Variants in RBFOX1 observed in about 807,000 individuals in gnomAD.
RBFOX1 encodes RNA binding protein fox-1 homolog 1.
Under a neutral mutation model 57.7 loss-of-function variants are expected in RBFOX1, and 8 were observed. The observed-to-expected ratio is 0.14, with a 90% confidence interval of 0.08 to 0.25. The LOEUF (loss-of-function observed/expected upper bound fraction) is 0.25. Among genes scored for constraint, RBFOX1 ranks in the 10% least tolerant of loss-of-function variants. The pLI is 1.00. For synonymous variants in RBFOX1, 326 were observed against 222.4 expected, an observed-to-expected ratio of 1.47 and a Z score of -4.15; for missense variants, 611 against 548.5, an observed-to-expected ratio of 1.11 and a Z score of -1.14.
chr16:7,633,508 A>G (rs8049016), intron 11 of RBFOX1, among the ~76,000 whole-genome samples: 32,722 of 151,930 alleles, frequency 0.22, 4,073 homozygotes, highest in African/African-American at 0.35. Flanking sequence ...GTTCATAGCA[A>G]TTTTTTTTCA....
intron 4 of RBFOX1, among the ~76,000 whole-genome samples, chr16:7,502,692 G>T (rs1378969500): frequency 6.6e-6 from 1 of 152,144 alleles, no homozygotes; most frequent in Non-Finnish European, 1.5e-5. Context: ...AAACTTTTAT[G>T]ATGGGTAGAA....
intron 2 of RBFOX1, among the ~76,000 whole-genome samples, chr16:6,375,187 G>C (rs1401892011): frequency 6.6e-6 from 1 of 152,078 alleles, no homozygotes; most frequent in Non-Finnish European, 1.5e-5. Flanking sequence ...AACACCAACT[G>C]CAAGAGGGTA....
At chr16:7,266,319 G>A (rs28738762) in intron 4 of RBFOX1, among the ~76,000 whole-genome samples, 5,783 of 152,008 alleles carry the variant, frequency 0.038, 161 homozygotes, top group East Asian at 0.13. Context: ...CTTCCCCCAC[G>A]CTCTCGCCCT....
chr16:7,198,908 C>G (rs534511986), intron 4 of RBFOX1, among the ~76,000 whole-genome samples: 1 of 152,154 alleles, frequency 6.6e-6, no homozygotes, highest in Non-Finnish European at 1.5e-5. Context: ...AGTTGGCTGC[C>G]TTGTTCACAG....
In RBFOX1 at chr16:7,211,251, G is replaced by A. The variant is rs1415359710; in HGVS notation, c.27+159153G>A. On this transcript the variant is annotated intron_variant, in intron 4 of 15. Coordinates refer to ENST00000550418, the MANE Select transcript of RBFOX1 (RefSeq NM_018723.4). ...CTAAAAACACAAAGAAATTAGCCAG[G>A]TGTGGTGGTGGGCCCCTGTAGTCCC... 2.6e-5 allele frequency among the ~76,000 whole-genome samples: 4 copies of A among 151,836 alleles called. No individual in the cohort carries two copies. The East Asian group carries it at 5.8e-4, about 22-fold the overall frequency.
intron 2 of RBFOX1, among the ~76,000 whole-genome samples, chr16:5,565,619 C>G (rs897228570): frequency 2.2e-5 from 3 of 137,772 alleles, no homozygotes; most frequent in African/African-American, 8.3e-5. Context: ...GAGCGAAACT[C>G]TGCCTTACAT....
chr16:6,621,987 G>C (rs143806335), intron 2 of RBFOX1, among the ~76,000 whole-genome samples: 5 of 152,170 alleles, frequency 3.3e-5, no homozygotes, highest in Non-Finnish European at 7.3e-5. Flanking sequence ...TGCTAGGTTC[G>C]TGTTAGCCAA....
intron 4 of RBFOX1, among the ~76,000 whole-genome samples, chr16:6,003,970 C>G (rs929157433): frequency 5.3e-5 from 8 of 152,166 alleles, no homozygotes; most frequent in African/African-American, 1.9e-4. Flanking sequence ...ATTCAGCAGG[C>G]CAAACTTTGG....
chr16:7,495,780 C>A (rs1317553620), intron 4 of RBFOX1, among the ~76,000 whole-genome samples: 2 of 152,102 alleles, frequency 1.3e-5, no homozygotes, highest in Non-Finnish European at 2.9e-5. Context: ...ACGGGTGCAC[C>A]AAAATCTCAG....
intron 2 of RBFOX1, among the ~76,000 whole-genome samples, chr16:6,417,318 A>C (rs2093650569): frequency 6.9e-6 from 1 of 144,990 alleles, no homozygotes; most frequent in Non-Finnish European, 1.5e-5. Flanking sequence ...CTGAATTTTC[A>C]CCTTTCTTTC....
At chr16:7,053,398 T>C (rs1462783750) in intron 4 of RBFOX1, among the ~76,000 whole-genome samples, 3 of 152,202 alleles carry the variant, frequency 2.0e-5, no homozygotes, top group Non-Finnish European at 2.9e-5. Flanking sequence ...TACTGCTTTT[T>C]TCCTGTAGTC....
intron 3 of RBFOX1, among the ~76,000 whole-genome samples, chr16:6,883,173 C>A (rs1041926775): frequency 6.6e-6 from 1 of 152,106 alleles, no homozygotes; most frequent in African/African-American, 2.4e-5. Context: ...ATTAAAGATA[C>A]GTTTAATGTT....
Position 7,570,489 on chromosome 16 carries a change from C to G in RBFOX1, c.271-9288C>G, listed in dbSNP as rs571389885. ...TCAACCGAAACTGGATGAGTAAGGACTGCCACCAGTACCCTGGACCCACAG... is the reference window on the plus strand; with the variant it reads ...TCAACCGAAACTGGATGAGTAAGGAGTGCCACCAGTACCCTGGACCCACAG... On this transcript the variant is annotated intron_variant, in intron 5 of 15. Transcript: ENST00000550418. Among the ~76,000 whole-genome samples, 90 of 152,294 alleles carry G rather than the reference C, an allele frequency of 5.9e-4. 1 individual carries two copies. In the South Asian group the frequency reaches 0.017, roughly 29 times the overall value.
At chr16:5,620,487 C>T (rs1465006859) in intron 3 of RBFOX1, among the ~76,000 whole-genome samples, 1 of 152,134 alleles carries the variant, frequency 6.6e-6, no homozygotes, top group African/African-American at 2.4e-5. Context: ...TCTCATAGTT[C>T]TGGAGGCCAG....
intron 3 of RBFOX1, among the ~76,000 whole-genome samples, chr16:5,863,397 T>C (rs567570169): frequency 6.6e-6 from 1 of 152,304 alleles, no homozygotes; most frequent in East Asian, 1.9e-4. Context: ...GCAGACACTC[T>C]GATGACTGCT....
chr16:5,315,371 G>A (rs1011223449), intron 1 of RBFOX1, among the ~76,000 whole-genome samples: 2 of 152,200 alleles, frequency 1.3e-5, no homozygotes, highest in African/African-American at 2.4e-5. Flanking sequence ...ATGGAGACAG[G>A]GATGTGCTTA....
intron 4 of RBFOX1, among the ~76,000 whole-genome samples, chr16:5,993,659 A>C (rs1446731456): frequency 6.6e-6 from 1 of 152,202 alleles, no homozygotes; most frequent in Non-Finnish European, 1.5e-5. Context: ...AGCCATAATC[A>C]AGATTACCCA....
intron 4 of RBFOX1, among the ~76,000 whole-genome samples, chr16:7,219,098 C>A (rs993574750): frequency 6.6e-6 from 1 of 152,156 alleles, no homozygotes; most frequent in East Asian, 1.9e-4. Flanking sequence ...TCATTATCCC[C>A]GTCATTGCAG....
At chr16:6,465,722 G>C (rs1221666468) in intron 2 of RBFOX1, among the ~76,000 whole-genome samples, 1 of 151,484 alleles carries the variant, frequency 6.6e-6, no homozygotes, top group Admixed American at 6.6e-5. Context: ...TGTGCTAAAA[G>C]GGAAGAATTG....
Sources: gnomAD v4.1 joint callset for allele counts (sites outside exome capture counted in the v4.1 genomes callset) on GRCh38, gnomAD v4.1.1 for gene constraint, MANE v1.5 for transcripts, NCBI Gene and HGNC (gene_info 2026-07-23, HGNC 2026-07-21) for gene names.